Variants in DISC1 observed in about 807,000 individuals in gnomAD.
The protein encoded by DISC1 is disrupted in schizophrenia 1 protein.
DISC1 carries 57 observed loss-of-function variants against 84.5 expected under a neutral mutation model. That is an observed-to-expected ratio of 0.67 (90% CI 0.55 to 0.84). The LOEUF (loss-of-function observed/expected upper bound fraction) is 0.84. DISC1 is among the 40% of genes least tolerant of loss of function. The probability of loss-of-function intolerance (pLI) is 0.00; values close to 1 mark genes in which losing one functional copy is unlikely to be tolerated. For synonymous variants in DISC1, 411 were observed against 415.2 expected, an observed-to-expected ratio of 0.99 and a Z score of 0.12; for missense variants, 1,000 against 1,057.8, an observed-to-expected ratio of 0.95 and a Z score of 0.76.
At chr1:231,882,711 C>T (rs1202227206) in intron 9 of DISC1, among the ~76,000 whole-genome samples, 5 of 152,090 alleles carry the variant, frequency 3.3e-5, no homozygotes, top group Non-Finnish European at 7.4e-5. Flanking sequence ...GTCAGGTTTG[C>T]AGCACAGAGC....
At chr1:231,962,680 G>A (rs1660548932) in intron 10 of DISC1, among the ~76,000 whole-genome samples, 1 of 152,172 alleles carries the variant, frequency 6.6e-6, no homozygotes, top group Non-Finnish European at 1.5e-5. Context: ...ACTGCCTAGG[G>A]GAGAAATAAC....
At chr1:231,866,686 A>G in intron 9 of DISC1, 1 of 1,394,074 alleles carries the variant, frequency 7.2e-7, no homozygotes. Flanking sequence ...ACATGATGTC[A>G]CAATAAAAAG....
In DISC1 at chr1:231,718,372, C is replaced by T. The variant is rs73117128; in HGVS notation, c.1117+16348C>T. Among the ~76,000 whole-genome samples, 817 of 152,218 alleles carry T rather than the reference C, an allele frequency of 5.4e-3. 6 individuals carry two copies. Among genetic ancestry groups the T allele is most frequent in the African/African-American group, 0.019 (783 of 41,548 alleles). On this transcript the variant is annotated intron_variant, in intron 3 of 12. Transcript: ENST00000439617. Reference sequence around the variant, plus strand: ...GCCATAACCAGCTTCTTGCCCTGGCCCTTGCTTAGCTTTCTAACTTCATTT... The same window carrying T: ...GCCATAACCAGCTTCTTGCCCTGGCTCTTGCTTAGCTTTCTAACTTCATTT...
At chr1:231,872,030 G>A (rs2085500900) in intron 9 of DISC1, among the ~76,000 whole-genome samples, 1 of 152,186 alleles carries the variant, frequency 6.6e-6, no homozygotes, top group Non-Finnish European at 1.5e-5. Flanking sequence ...GCCAGGCAGA[G>A]GCCCTCAGCC....
At chr1:231,767,755 T>C (rs1432701979) in intron 5 of DISC1, among the ~76,000 whole-genome samples, 1 of 152,162 alleles carries the variant, frequency 6.6e-6, no homozygotes, top group East Asian at 1.9e-4. Flanking sequence ...CAAACGAGGG[T>C]TGAAAGCTCA....
intron 10 of DISC1, among the ~76,000 whole-genome samples, chr1:231,977,768 T>C (rs182418946): frequency 2.0e-4 from 31 of 152,336 alleles, no homozygotes; most frequent in Non-Finnish European, 4.0e-4. Flanking sequence ...CATAAATATG[T>C]CAGTGCATGC....
chr1:231,817,180 G>A (rs1029593504), intron 8 of DISC1, among the ~76,000 whole-genome samples: 4 of 152,156 alleles, frequency 2.6e-5, no homozygotes, highest in African/African-American at 9.7e-5. Flanking sequence ...CACCTCCTGG[G>A]TTTAAGTGAT....
chr1:231,951,591 A>G (rs1422710987), intron 9 of DISC1, among the ~76,000 whole-genome samples: 2 of 152,214 alleles, frequency 1.3e-5, no homozygotes, highest in Non-Finnish European at 2.9e-5. Flanking sequence ...ATCTCCCTCC[A>G]TGACGCTCTG....
chr1:232,029,653 T>C (rs138628483), intron 12 of DISC1, among the ~76,000 whole-genome samples: 7 of 152,362 alleles, frequency 4.6e-5, no homozygotes, highest in African/African-American at 1.7e-4. Flanking sequence ...CCAATTAATC[T>C]AAGTCCACAT....
At chr1:231,690,344 G>A (rs547349503) in intron 1 of DISC1, among the ~76,000 whole-genome samples, 83 of 152,316 alleles carry the variant, frequency 5.4e-4, no homozygotes, top group South Asian at 1.5e-3. Context: ...TCCCTGCTCA[G>A]TCGTTCGTTC....
intron 10 of DISC1, among the ~76,000 whole-genome samples, chr1:231,980,883 A>G (rs1015957180): frequency 4.6e-5 from 7 of 152,194 alleles, no homozygotes; most frequent in Non-Finnish European, 1.0e-4. Context: ...TTTACTCAAC[A>G]ATTTCAAGAG....
chr1:231,881,174 G>A (rs568361022), intron 9 of DISC1, among the ~76,000 whole-genome samples: 3 of 152,184 alleles, frequency 2.0e-5, no homozygotes, highest in Non-Finnish European at 4.4e-5. Context: ...CTCTGCTGCA[G>A]GGCACCACAG....
chr1:231,936,079 A>G (rs2090966056), intron 9 of DISC1, among the ~76,000 whole-genome samples: 1 of 152,300 alleles, frequency 6.6e-6, no homozygotes, highest in East Asian at 1.9e-4. Context: ...AGGCAGCTGC[A>G]GGAAACGTCC....
intron 9 of DISC1, among the ~76,000 whole-genome samples, chr1:231,858,388 C>T (rs2084409007): frequency 1.3e-5 from 2 of 152,220 alleles, no homozygotes; most frequent in Non-Finnish European, 2.9e-5. Flanking sequence ...GATTATCAGT[C>T]TTCCATGTGG....
intron 3 of DISC1, among the ~76,000 whole-genome samples, chr1:231,704,717 G>C (rs552789882): frequency 7.1e-5 from 9 of 127,256 alleles, no homozygotes; most frequent in Admixed American, 1.0e-4. Flanking sequence ...CCGAGATGGC[G>C]CCACTGCACT....
At chr1:231,862,520 TTAAAA>T (rs2084746778) in intron 9 of DISC1, among the ~76,000 whole-genome samples, 1 of 152,232 alleles carries the variant, frequency 6.6e-6, no homozygotes, top group Non-Finnish European at 1.5e-5. Context: ...CATTTCTGTC[TTAAAA>T]TGAAGTATCT....
At chr1:231,923,314 A>C (rs1395886987) in intron 9 of DISC1, among the ~76,000 whole-genome samples, 5 of 151,276 alleles carry the variant, frequency 3.3e-5, no homozygotes, top group South Asian at 2.1e-4. Flanking sequence ...AACCAAAAAA[A>C]AAAACAAAAA....
At chr1:231,759,547 A>C (rs796620170) in intron 4 of DISC1, among the ~76,000 whole-genome samples, 5 of 142,158 alleles carry the variant, frequency 3.5e-5, no homozygotes, top group African/African-American at 1.4e-4. Context: ...AAAAAAAAAA[A>C]AAAACAAAAC....
chr1:231,666,573 G>A (rs556996260), intron 1 of DISC1, among the ~76,000 whole-genome samples: 1 of 152,102 alleles, frequency 6.6e-6, no homozygotes, highest in South Asian at 2.1e-4. Flanking sequence ...AACAAATAAT[G>A]GTATGATGCA....
Sources: gnomAD v4.1 joint callset for allele counts (sites outside exome capture counted in the v4.1 genomes callset) on GRCh38, gnomAD v4.1.1 for gene constraint, MANE v1.5 for transcripts, NCBI Gene and HGNC (gene_info 2026-07-23, HGNC 2026-07-21) for gene names.